DCLK1: variants seen among roughly 807,000 people sequenced by gnomAD.
DCLK1 encodes doublecortin like kinase 1.
DCLK1 carries 16 observed loss-of-function variants against 86.2 expected under a neutral mutation model. The observed-to-expected ratio is 0.19, with a 90% CI of 0.13 to 0.28. The LOEUF is 0.28. Among genes scored for constraint, DCLK1 ranks in the 10% least tolerant of loss-of-function variants. The pLI, the probability that DCLK1 is intolerant of heterozygous loss-of-function variation, is 1.00. For missense variants in DCLK1, 590 were observed against 940.2 expected (o/e 0.63, Z 4.87); for synonymous variants, 369 against 370.5 (o/e 1.00, Z 0.05).
intron 3 of DCLK1, among the ~76,000 whole-genome samples, chr13:35,971,314 C>T (rs1485980674): frequency 1.3e-5 from 2 of 152,182 alleles, no homozygotes; most frequent in Admixed American, 6.5e-5. Flanking sequence ...TCTCTGGACC[C>T]CGCACAAGAG....
intron 4 of DCLK1, among the ~76,000 whole-genome samples, chr13:35,904,282 C>G (rs1406653522): frequency 1.3e-5 from 2 of 152,164 alleles, no homozygotes; most frequent in Non-Finnish European, 2.9e-5. Flanking sequence ...GTGGCTCGAT[C>G]TTGGCCCACT....
chr13:36,096,711 T>C (rs910496526), intron 3 of DCLK1, among the ~76,000 whole-genome samples: 1 of 152,188 alleles, frequency 6.6e-6, no homozygotes, highest in Non-Finnish European at 1.5e-5. Flanking sequence ...GCTTGAAATA[T>C]GTTAATATCA....
intron 16 of DCLK1, among the ~76,000 whole-genome samples, chr13:35,778,435 T>C (rs988472271): frequency 2.6e-5 from 4 of 152,150 alleles, no homozygotes; most frequent in Non-Finnish European, 5.9e-5. Flanking sequence ...TTAATTTCCC[T>C]TTGCATACCT....
chr13:36,111,136 A>C (rs559067003), intron 3 of DCLK1, among the ~76,000 whole-genome samples: 1 of 152,018 alleles, frequency 6.6e-6, no homozygotes, highest in East Asian at 1.9e-4. Context: ...GCCCGGCCCT[A>C]ATCAATGTTT....
chr13:35,910,578 C>G (rs1472023868), intron 4 of DCLK1, among the ~76,000 whole-genome samples: 1 of 152,160 alleles, frequency 6.6e-6, no homozygotes, highest in Non-Finnish European at 1.5e-5. Context: ...TTCCTTAAAA[C>G]CGAACATGTC....
At chr13:36,042,681 C>A (rs1383958003) in intron 3 of DCLK1, among the ~76,000 whole-genome samples, 2 of 152,296 alleles carry the variant, frequency 1.3e-5, no homozygotes, top group Admixed American at 6.5e-5. Flanking sequence ...TGAATTCCCT[C>A]TTGAAAGAGG....
chr13:36,045,166 A>G (rs1882833740), intron 3 of DCLK1, among the ~76,000 whole-genome samples: 1 of 149,868 alleles, frequency 6.7e-6, no homozygotes, highest in Non-Finnish European at 1.5e-5. Flanking sequence ...TGTATACCCA[A>G]CACTCAGACC....
intron 3 of DCLK1, among the ~76,000 whole-genome samples, chr13:36,032,896 G>A (rs756249935): frequency 8.5e-5 from 13 of 152,246 alleles, no homozygotes; most frequent in Non-Finnish European, 1.6e-4. Flanking sequence ...TTTTAACATC[G>A]CTAAGAATAA....
intron 16 of DCLK1, among the ~76,000 whole-genome samples, chr13:35,791,914 G>C (rs2086713737): frequency 6.6e-6 from 1 of 152,144 alleles, no homozygotes; most frequent in Non-Finnish European, 1.5e-5. Context: ...CATATATCTT[G>C]AACGAACAAT....
chr13:35,846,302 A>G, intron 6 of DCLK1: 1 of 985,298 alleles, frequency 1.0e-6, no homozygotes, highest in Non-Finnish European at 1.2e-6. Flanking sequence ...AATAAACTCA[A>G]TTCCTTGCTT....
chr13:35,968,612 A>G (rs1878898852), intron 3 of DCLK1, among the ~76,000 whole-genome samples: 1 of 152,192 alleles, frequency 6.6e-6, no homozygotes. Context: ...CTGACTGTTG[A>G]TCTATTGGAA....
At chr13:35,862,898 C>CA (rs1476437451) in intron 5 of DCLK1, among the ~76,000 whole-genome samples, 28 of 120,522 alleles carry the variant, frequency 2.3e-4, no homozygotes, top group African/African-American at 9.7e-4. Context: ...ATTATAGTTA[C>CA]ATGCATACAG....
At chr13:35,998,444 T>C (rs1465782909) in intron 3 of DCLK1, among the ~76,000 whole-genome samples, 2 of 152,140 alleles carry the variant, frequency 1.3e-5, no homozygotes, top group African/African-American at 4.8e-5. Flanking sequence ...GCCATACGAA[T>C]AGCTCTTCTG....
chr13:35,929,694 C>G (rs1275346477), intron 4 of DCLK1, among the ~76,000 whole-genome samples: 1 of 152,176 alleles, frequency 6.6e-6, no homozygotes, highest in Non-Finnish European at 1.5e-5. Context: ...AGCACTGCCA[C>G]TTTTCTTCAG....
intron 11 of DCLK1, among the ~76,000 whole-genome samples, chr13:35,818,911 C>T (rs1385160001): frequency 6.6e-6 from 1 of 151,982 alleles, no homozygotes; most frequent in Admixed American, 6.6e-5. Context: ...CATGCCTAAG[C>T]CCATCTGGAG....
At chr13:35,816,774 G>C (rs1432928713) in intron 11 of DCLK1, among the ~76,000 whole-genome samples, 1 of 152,096 alleles carries the variant, frequency 6.6e-6, no homozygotes, top group Admixed American at 6.5e-5. Context: ...TAATTCATCA[G>C]TGCCCTGAGA....
At chr13:35,966,929 G>T (rs562549771) in intron 3 of DCLK1, among the ~76,000 whole-genome samples, 1 of 151,744 alleles carries the variant, frequency 6.6e-6, no homozygotes, top group African/African-American at 2.4e-5. Context: ...CCGCCACCCC[G>T]TCTAGGAAGT....
chr13:36,120,065 C>A (rs1007737513), intron 2 of DCLK1, among the ~76,000 whole-genome samples: 5 of 151,968 alleles, frequency 3.3e-5, no homozygotes, highest in Non-Finnish European at 5.9e-5. Flanking sequence ...AAACTGAATC[C>A]CTGTCTCACA....
In DCLK1 at chr13:36,052,790, G is replaced by A. The variant is rs948687944; in HGVS notation, c.723+59079C>T. Among the ~76,000 whole-genome samples the A allele has an allele frequency of 2.0e-5, 3 of 152,244 alleles. No homozygotes were observed. In the East Asian group the frequency reaches 5.8e-4, roughly 29 times the overall value. ...TTATGTGATGGATGGGTAAATGAGT[G>A]CATATGCACACAGAAGTCATAGAAG... On this transcript the variant is annotated intron_variant, in intron 3 of 16. Coordinates refer to ENST00000360631, the MANE Select transcript of DCLK1 (RefSeq NM_001330071.2).
Sources: allele counts gnomAD v4.1 joint callset (sites outside exome capture counted in the v4.1 genomes callset), GRCh38; gene constraint gnomAD v4.1.1; transcripts MANE v1.5; gene names NCBI Gene and HGNC (gene_info 2026-07-23, HGNC 2026-07-21).